TBC1D5: variants seen among roughly 807,000 people sequenced by gnomAD.
TBC1D5 encodes the protein TBC1 domain family, member 5.
Under a neutral mutation model 100.3 loss-of-function variants are expected in TBC1D5, and 75 were observed. The ratio of observed to expected loss-of-function variants is 0.75; its 90% CI spans 0.62 to 0.91. The LOEUF (loss-of-function observed/expected upper bound fraction) is 0.91. TBC1D5 is among the 40% of genes least tolerant of loss of function. The pLI is 0.00. For synonymous variants in TBC1D5, 323 were observed against 325.6 expected, an observed-to-expected ratio of 0.99 and a Z score of 0.09; for missense variants, 910 against 942.4, an observed-to-expected ratio of 0.97 and a Z score of 0.45.
chr3:17,467,612 G>A (rs995513210), intron 3 of TBC1D5, among the ~76,000 whole-genome samples: 1 of 151,908 alleles, frequency 6.6e-6, no homozygotes, highest in African/African-American at 2.4e-5. Flanking sequence ...TTTTGGCCAG[G>A]CTCAGTGGCT....
At chr3:17,459,871 A>G (rs79129226) in intron 3 of TBC1D5, among the ~76,000 whole-genome samples, 1,793 of 152,348 alleles carry the variant, frequency 0.012, 36 homozygotes, top group African/African-American at 0.042. Context: ...TGCAAATTTG[A>G]TCCTATGCTT....
intron 18 of TBC1D5, among the ~76,000 whole-genome samples, chr3:17,205,303 A>C (rs532013913): frequency 6.6e-6 from 1 of 152,206 alleles, no homozygotes; most frequent in Non-Finnish European, 1.5e-5. Flanking sequence ...CCCTAAGCTC[A>C]TAAAGAAATC....
At chr3:17,559,966 T>C (rs1270670552) in intron 2 of TBC1D5, among the ~76,000 whole-genome samples, 1 of 152,186 alleles carries the variant, frequency 6.6e-6, no homozygotes, top group African/African-American at 2.4e-5. Context: ...AGTTACTTTA[T>C]ATAACAAAAA....
At chr3:17,701,484 A>T (rs572111058) in intron 1 of TBC1D5, among the ~76,000 whole-genome samples, 11 of 152,210 alleles carry the variant, frequency 7.2e-5, no homozygotes, top group Admixed American at 2.0e-4. Flanking sequence ...ATAATAATAA[A>T]AAAAAGTCTC....
At chr3:17,552,367 T>A (rs2096481971) in intron 2 of TBC1D5, among the ~76,000 whole-genome samples, 1 of 152,126 alleles carries the variant, frequency 6.6e-6, no homozygotes, top group Admixed American at 6.5e-5. Flanking sequence ...TAATTATTAG[T>A]TTCTGAATAA....
chr3:17,573,958 A>G (rs2096642439), intron 2 of TBC1D5, among the ~76,000 whole-genome samples: 1 of 152,078 alleles, frequency 6.6e-6, no homozygotes, highest in South Asian at 2.1e-4. Context: ...ACACTGCCAC[A>G]GTACGTAAAA....
At chr3:17,277,422 T>C (rs899627142) in intron 15 of TBC1D5, among the ~76,000 whole-genome samples, 1 of 152,192 alleles carries the variant, frequency 6.6e-6, no homozygotes, top group Non-Finnish European at 1.5e-5. Context: ...AAAGGTCAAC[T>C]TCATTATAGA....
At chr3:17,651,043 C>T (rs1023572153) in intron 1 of TBC1D5, among the ~76,000 whole-genome samples, 1 of 152,144 alleles carries the variant, frequency 6.6e-6, no homozygotes, top group African/African-American at 2.4e-5. Flanking sequence ...AGCTGCATAT[C>T]ATTTTCCTGG....
chr3:17,564,575 G>A (rs898176901), intron 2 of TBC1D5, among the ~76,000 whole-genome samples: 1 of 152,256 alleles, frequency 6.6e-6, no homozygotes, highest in East Asian at 1.9e-4. Flanking sequence ...GATTCTTGAA[G>A]AAAGAAGGAG....
At chr3:17,601,235 G>A (rs2060915099) in intron 2 of TBC1D5, among the ~76,000 whole-genome samples, 3 of 152,228 alleles carry the variant, frequency 2.0e-5, no homozygotes, top group Non-Finnish European at 2.9e-5. Context: ...TATGGGCCGG[G>A]TGCAGTGGCT....
intron 19 of TBC1D5, among the ~76,000 whole-genome samples, chr3:17,174,789 T>G (rs904532122): frequency 6.6e-6 from 1 of 152,178 alleles, no homozygotes; most frequent in Admixed American, 6.5e-5. Flanking sequence ...AGACAGGGTT[T>G]CACCATGTTG....
chr3:17,722,323 G>A lies in TBC1D5; in HGVS notation c.-101+17020C>T, dbSNP rs139676502. ...TTTTTTTTCAAATTTTTGAATATAT[G>A]CATATACATAATGACATATCCTGGA... On this transcript the variant is annotated intron_variant, in intron 1 of 21. Coordinates refer to ENST00000253692, the Ensembl canonical transcript of TBC1D5. 4.8e-3 allele frequency among the ~76,000 whole-genome samples: 736 copies of A among 152,006 alleles called. 8 individuals carry two copies. The highest frequency in any genetic ancestry group is 7.6e-3 in the Non-Finnish European group (515 of 67,980).
At chr3:17,238,273 A>G in exon 17 of TBC1D5, 1 of 1,614,090 alleles carries the variant, frequency 6.2e-7, no homozygotes, top group Non-Finnish European at 8.5e-7. Flanking sequence ...AGGAATTACA[A>G]CAGAGGAGGA....
At chr3:17,494,659 G>C (rs2095681875) in intron 3 of TBC1D5, among the ~76,000 whole-genome samples, 1 of 152,212 alleles carries the variant, frequency 6.6e-6, no homozygotes, top group East Asian at 1.9e-4. Flanking sequence ...GTCTGGCCAT[G>C]ATCTACTACA....
intron 17 of TBC1D5, among the ~76,000 whole-genome samples, chr3:17,216,648 T>G (rs2073670959): frequency 6.6e-6 from 1 of 152,056 alleles, no homozygotes; most frequent in Non-Finnish European, 1.5e-5. Flanking sequence ...AGGCCTTTAT[T>G]TCTTCCCTTC....
chr3:17,713,662 A>G (rs1482179054), intron 1 of TBC1D5, among the ~76,000 whole-genome samples: 3 of 151,942 alleles, frequency 2.0e-5, no homozygotes, highest in African/African-American at 7.3e-5. Context: ...TAGAATATAT[A>G]AAGAACTCTT....
chr3:17,255,059 T>C (rs1038567224), intron 16 of TBC1D5, among the ~76,000 whole-genome samples: 2 of 152,122 alleles, frequency 1.3e-5, no homozygotes, highest in Non-Finnish European at 2.9e-5. Flanking sequence ...TAAGGACCCA[T>C]CTGTAGGCCA....
intron 8 of TBC1D5, among the ~76,000 whole-genome samples, chr3:17,392,363 CT>C (rs1199545560): frequency 6.6e-6 from 1 of 151,154 alleles, no homozygotes; most frequent in Admixed American, 6.6e-5. Context: ...TCATGTGACC[CT>C]TTTTTTAAAA....
intron 18 of TBC1D5, among the ~76,000 whole-genome samples, chr3:17,206,215 G>A (rs1328731534): frequency 6.6e-6 from 1 of 152,036 alleles, no homozygotes; most frequent in East Asian, 1.9e-4. Context: ...AGCCCATGGT[G>A]GTCTGTCATC....
Sources: allele counts gnomAD v4.1 joint callset (sites outside exome capture counted in the v4.1 genomes callset), GRCh38; gene constraint gnomAD v4.1.1; transcripts MANE v1.5; gene names NCBI Gene and HGNC (gene_info 2026-07-23, HGNC 2026-07-21).